The following CAMTA1 variants were observed in gnomAD, a reference collection of about 807,000 sequenced individuals.
CAMTA1 encodes the protein calmodulin binding transcription activator 1, also known as calmodulin-binding transcription activator 1.
Under a neutral mutation model 170.9 loss-of-function variants are expected in CAMTA1, and 27 were observed. The observed-to-expected ratio is 0.16, with a 90% CI of 0.12 to 0.22. The LOEUF (loss-of-function observed/expected upper bound fraction) is 0.22, where lower values mean the gene tolerates loss of function less well. CAMTA1 is among the 10% of genes least tolerant of loss of function. The pLI, the probability that CAMTA1 is intolerant of heterozygous loss-of-function variation, is 1.00. For synonymous variants in CAMTA1, 833 were observed against 891.5 expected, an observed-to-expected ratio of 0.93 and a Z score of 1.17; for missense variants, 1,619 against 2,217.2, an observed-to-expected ratio of 0.73 and a Z score of 5.42.
chr1:7,228,355 C>G (rs1662085128), intron 4 of CAMTA1, among the ~76,000 whole-genome samples: 1 of 152,214 alleles, frequency 6.6e-6, no homozygotes, highest in African/African-American at 2.4e-5. Context: ...GTAATCCCAG[C>G]ACTTTGGGGG....
chr1:6,836,920 G>A (rs1461454043), intron 3 of CAMTA1, among the ~76,000 whole-genome samples: 1 of 151,754 alleles, frequency 6.6e-6, no homozygotes, highest in African/African-American at 2.4e-5. Context: ...AATTCTGTGA[G>A]TAGCTCATAC....
At chr1:7,000,944 C>T (rs1003359808) in intron 3 of CAMTA1, among the ~76,000 whole-genome samples, 9 of 152,202 alleles carry the variant, frequency 5.9e-5, no homozygotes, top group Non-Finnish European at 1.2e-4. Flanking sequence ...ATATTTGACT[C>T]ACTAATTACT....
At chr1:6,896,564 G>A (rs1675711629) in intron 3 of CAMTA1, among the ~76,000 whole-genome samples, 2 of 152,116 alleles carry the variant, frequency 1.3e-5, no homozygotes, top group African/African-American at 2.4e-5. Flanking sequence ...GCCACTTTTC[G>A]TTTCATTAGT....
chr1:7,590,158 G>A (rs1433540575), intron 6 of CAMTA1, among the ~76,000 whole-genome samples: 2 of 152,180 alleles, frequency 1.3e-5, no homozygotes, highest in Admixed American at 6.5e-5. Flanking sequence ...CCCTAAGGCA[G>A]GGGTGAGGAC....
intron 11 of CAMTA1, among the ~76,000 whole-genome samples, chr1:7,717,472 G>A (rs778173169): frequency 1.3e-5 from 2 of 152,136 alleles, no homozygotes; most frequent in African/African-American, 2.4e-5. Context: ...GAGGCCAGGC[G>A]TAGTGGCTCA....
chr1:6,797,026 A>G (rs138904852), intron 1 of CAMTA1, among the ~76,000 whole-genome samples: 1 of 152,362 alleles, frequency 6.6e-6, no homozygotes, highest in Non-Finnish European at 1.5e-5. Context: ...ATTAGAATTG[A>G]TGATTCAAGC....
Position 7,095,542 on chromosome 1 carries a change from G to A in CAMTA1, c.302+4171G>A, listed in dbSNP as rs148858769. Among the ~76,000 whole-genome samples the A allele has an allele frequency of 4.5e-4, 69 of 152,280 alleles. 1 individual carries two copies. Among genetic ancestry groups the A allele is most frequent in the African/African-American group, 1.6e-3 (65 of 41,554 alleles). The stretch of plus-strand genomic sequence containing the variant: ...GTGCTAGAACTGGAACTTGAACCCA[G>A]TATGATCTCACTGCAAAGCCCATAC... On this transcript the variant is annotated intron_variant, in intron 4 of 22. Transcript: ENST00000303635.
chr1:7,107,276 GCA>G (rs1491258923), intron 4 of CAMTA1, among the ~76,000 whole-genome samples: 49 of 37,184 alleles, frequency 1.3e-3, no homozygotes, highest in African/African-American at 4.4e-3. Flanking sequence ...ATGTGTGTGT[GCA>G]TGTGTGTGTG....
At chr1:7,353,428 TC>T (rs200309633) in intron 5 of CAMTA1, among the ~76,000 whole-genome samples, 3,079 of 31,818 alleles carry the variant, frequency 0.097, 105 homozygotes, top group African/African-American at 0.26. Context: ...TTTTTCTTTC[TC>T]TCTTTTTTTT....
Position 7,331,452 on chromosome 1 carries a change from TCTC to T in CAMTA1, c.438+81829_438+81831del, listed in dbSNP as rs1047072726. ...CATTCTTTTGATTATGTGGGTTACA[TCTC>T]CTAATATTCACTGTATTTGCATTAA... is the stretch of plus-strand genomic sequence containing the variant. On this transcript the variant is annotated intron_variant, in intron 5 of 22. Transcript: ENST00000303635. Among the ~76,000 whole-genome samples the T allele has an allele frequency of 1.3e-5, 2 of 152,174 alleles. 1 individual carries two copies. The highest frequency in any genetic ancestry group is 2.9e-5 in the Non-Finnish European group (2 of 68,040).
rs995761306 is a variant in CAMTA1, at chr1:7,113,899, C to G, written c.302+22528C>G. The stretch of plus-strand genomic sequence containing the variant: ...GGAGGGTCAGATGGTGAAATACACA[C>G]AGGAAACCTTGGCTTTGTGGCCGTA... On this transcript the variant is annotated intron_variant, in intron 4 of 22. Transcript: ENST00000303635. The surrounding 1 kb of genome is among the most constrained non-coding windows in gnomAD (Gnocchi z 4.5). Among the ~76,000 whole-genome samples the G allele has an allele frequency of 6.6e-6, 1 of 152,294 alleles. No individual in the cohort carries two copies. Among genetic ancestry groups the G allele is most frequent in the South Asian group, 2.1e-4 (1 of 4,830 alleles).
intron 3 of CAMTA1, among the ~76,000 whole-genome samples, chr1:6,972,122 G>C (rs1692650440): frequency 6.6e-6 from 1 of 152,184 alleles, no homozygotes; most frequent in African/African-American, 2.4e-5. Flanking sequence ...CCAACAAGGG[G>C]CTTCCCTGTT....
At chr1:7,743,168 T>TA (rs962921563) in intron 16 of CAMTA1, among the ~76,000 whole-genome samples, 4 of 151,678 alleles carry the variant, frequency 2.6e-5, no homozygotes, top group African/African-American at 9.8e-5. Context: ...ATATTTTTCT[T>TA]AAATTTTTTA....
intron 5 of CAMTA1, among the ~76,000 whole-genome samples, chr1:7,314,755 T>TTA (rs1190558041): frequency 1.3e-5 from 2 of 152,172 alleles, no homozygotes; most frequent in African/African-American, 4.8e-5. Flanking sequence ...TTTCTGACAG[T>TTA]TACAGAGTTC....
At chr1:6,789,146 A>T (rs936014673) in intron 1 of CAMTA1, among the ~76,000 whole-genome samples, 1 of 152,164 alleles carries the variant, frequency 6.6e-6, no homozygotes, top group Non-Finnish European at 1.5e-5. Flanking sequence ...AAGTGTTGAC[A>T]TACACAGAGC....
intron 5 of CAMTA1, among the ~76,000 whole-genome samples, chr1:7,304,077 A>C (rs991191283): frequency 3.9e-5 from 3 of 76,986 alleles, no homozygotes; most frequent in Non-Finnish European, 8.2e-5. Flanking sequence ...AGGGAGATGA[A>C]GAGTTATTGC....
chr1:6,800,030 C>T (rs1053923777), intron 1 of CAMTA1, among the ~76,000 whole-genome samples: 1 of 152,122 alleles, frequency 6.6e-6, no homozygotes, highest in Non-Finnish European at 1.5e-5. Context: ...ATTTGAACTA[C>T]AGACACTCAG....
At chr1:7,531,018 T>C (rs1022283087) in intron 6 of CAMTA1, among the ~76,000 whole-genome samples, 3 of 152,014 alleles carry the variant, frequency 2.0e-5, no homozygotes, top group Non-Finnish European at 4.4e-5. Flanking sequence ...GGTTTCACCA[T>C]GTTGGCCAGG....
rs2092926094 is a variant in CAMTA1, at chr1:7,455,378, AT to A, written c.439-12451del. On this transcript the variant is annotated intron_variant, in intron 5 of 22. Transcript: ENST00000303635. This position sits in a 1 kb window ranked among gnomAD's most constrained non-coding sequence, Gnocchi z 5.0. ...CCTCTGCCCAGCCCATTAATTCTGC[AT>A]GCTCAGGCCGAATTAACCTTGGCAA... Among the ~76,000 whole-genome samples the A allele has an allele frequency of 6.6e-6, 1 of 152,260 alleles. No homozygotes were observed. Among genetic ancestry groups the A allele is most frequent in the Non-Finnish European group, 1.5e-5 (1 of 68,046 alleles).
Sources: gnomAD v4.1 joint callset for allele counts (sites outside exome capture counted in the v4.1 genomes callset) on GRCh38, gnomAD v4.1.1 for gene constraint, Gnocchi (gnomAD v3.1) non-coding constraint, MANE v1.5 for transcripts, NCBI Gene and HGNC (gene_info 2026-07-23, HGNC 2026-07-21) for gene names.